CACNA1C: variants seen among roughly 807,000 people sequenced by gnomAD.
CACNA1C encodes voltage-dependent L-type calcium channel subunit alpha-1C.
In CACNA1C, 30 loss-of-function variants were observed where a neutral mutation model predicts 229.0. The ratio of observed to expected loss-of-function variants is 0.13; its 90% CI spans 0.10 to 0.18. The LOEUF is 0.18. Among genes scored for constraint, CACNA1C ranks in the 10% least tolerant of loss-of-function variants. CACNA1C has a pLI of 1.00. For missense variants in CACNA1C, 1,658 were observed against 2,845.0 expected (o/e 0.58, Z 9.49); for synonymous variants, 1,114 against 1,132.5 (o/e 0.98, Z 0.33).
At position 2,354,458 on chromosome 12, in the gene CACNA1C, G is replaced by C. The variant is rs1477816506; in HGVS notation, c.478-94518G>C. On this transcript the variant is annotated intron_variant, in intron 3 of 46. Coordinates refer to ENST00000399655, the MANE Select transcript of CACNA1C (RefSeq NM_000719.7). The surrounding 1 kb of genome is among the most constrained non-coding windows in gnomAD (Gnocchi z 4.6). ...CTATGACTGCAGCCTGTAGGGAAACGCCGGGAGGAACAGGAGACTGTTGAG... is the reference window on the plus strand; with the variant it reads ...CTATGACTGCAGCCTGTAGGGAAACCCCGGGAGGAACAGGAGACTGTTGAG... 1.3e-5 allele frequency among the ~76,000 whole-genome samples: 2 copies of C among 152,142 alleles called. No homozygotes were observed. Among genetic ancestry groups the C allele is most frequent in the Admixed American group, 1.3e-4 (2 of 15,284 alleles).
At chr12:2,593,766 T>A (rs1345327362) in intron 19 of CACNA1C, among the ~76,000 whole-genome samples, 1 of 152,226 alleles carries the variant, frequency 6.6e-6, no homozygotes, top group Non-Finnish European at 1.5e-5. Flanking sequence ...AGTTAGTGAG[T>A]CTTACTGTTA....
rs898001766 is a variant in CACNA1C at position 2,004,537 on chromosome 12, G to A, written c.139+33336G>A. ...ACCGAGAACCCACGGCGACCACACG[G>A]CCCGGGAGGCCTTCCGGCTCCAGTC... On this transcript the variant is annotated intron_variant, in intron 1 of 46. Coordinates refer to the CACNA1C transcript ENST00000682462. 4.1e-6 allele frequency: 6 copies of A among 1,466,470 alleles called. No homozygotes were observed. The African/African-American group carries it at 7.1e-5, about 17-fold the overall frequency. The allele number at this position is 1,466,470 out of a possible 1,614,324, so 90.8% of individuals were successfully genotyped here.
At chr12:2,332,373 A>G (rs1286718862) in intron 3 of CACNA1C, among the ~76,000 whole-genome samples, 1 of 152,232 alleles carries the variant, frequency 6.6e-6, no homozygotes, top group Non-Finnish European at 1.5e-5. Flanking sequence ...AAAAAGAAAA[A>G]GGCAAGTGCC....
At chr12:2,405,065 C>T (rs714278) in intron 3 of CACNA1C, among the ~76,000 whole-genome samples, 18,193 of 152,258 alleles carry the variant, frequency 0.12, 1,335 homozygotes, top group African/African-American at 0.19. Context: ...TCGAGGATAA[C>T]TCGGCTACTC....
chr12:2,109,616 G>T (rs2154125511), intron 1 of CACNA1C, among the ~76,000 whole-genome samples: 1 of 152,268 alleles, frequency 6.6e-6, no homozygotes, highest in African/African-American at 2.4e-5. Flanking sequence ...ATTTTGAAGG[G>T]ATCTAACTAG....
intron 3 of CACNA1C, among the ~76,000 whole-genome samples, chr12:2,159,364 G>A (rs1472288074): frequency 1.3e-5 from 2 of 151,986 alleles, no homozygotes; most frequent in South Asian, 4.2e-4. Flanking sequence ...GTGTGGTAAC[G>A]TGTGCCTGTG....
chr12:2,355,152 G>A (rs1044255047), intron 3 of CACNA1C, among the ~76,000 whole-genome samples: 13 of 152,192 alleles, frequency 8.5e-5, no homozygotes, highest in Admixed American at 3.3e-4. Flanking sequence ...GCATAGAAAA[G>A]GGTTTTCCAA....
At chr12:2,510,820 C>A (rs996203078) in intron 8 of CACNA1C, among the ~76,000 whole-genome samples, 2 of 152,128 alleles carry the variant, frequency 1.3e-5, no homozygotes. Flanking sequence ...GAGAGGAGGC[C>A]TTGAAACATA....
intron 38 of CACNA1C, 97 bp downstream of exon 38, chr12:2,669,132 C>T: frequency 2.3e-6 from 2 of 853,460 alleles, no homozygotes; most frequent in Non-Finnish European, 4.0e-6. Context: ...AGGGAACTTC[C>T]TGCCCCAGAC....
chr12:2,481,592 G>A (rs888188312), intron 5 of CACNA1C, among the ~76,000 whole-genome samples: 4 of 152,232 alleles, frequency 2.6e-5, no homozygotes, highest in Non-Finnish European at 4.4e-5. Context: ...GGTACCTTGA[G>A]AGTCTTTCCA....
chr12:2,671,775 T>C (rs143215534), intron 38 of CACNA1C, among the ~76,000 whole-genome samples: 3 of 152,326 alleles, frequency 2.0e-5, no homozygotes, highest in Non-Finnish European at 4.4e-5. Flanking sequence ...AAGCCAGCCA[T>C]GTGGGAACTA....
intron 3 of CACNA1C, among the ~76,000 whole-genome samples, chr12:2,308,989 G>T (rs1363657209): frequency 1.3e-5 from 2 of 152,152 alleles, no homozygotes; most frequent in East Asian, 3.8e-4. Context: ...GTCCACTTCT[G>T]GGTGTATATC....
intron 1 of CACNA1C, among the ~76,000 whole-genome samples, chr12:2,101,106 A>G (rs2076254625): frequency 6.6e-6 from 1 of 151,974 alleles, no homozygotes; most frequent in Non-Finnish European, 1.5e-5. Flanking sequence ...CAATTTCTGT[A>G]TTATTTCATA....
At chr12:2,126,390 G>A (rs1488750733) in intron 3 of CACNA1C, among the ~76,000 whole-genome samples, 2 of 152,220 alleles carry the variant, frequency 1.3e-5, no homozygotes, top group African/African-American at 2.4e-5. Flanking sequence ...TACCTGTTAG[G>A]TAGATTGTCT....
chr12:2,007,225 T>G lies in CACNA1C; in HGVS notation c.139+36024T>G, dbSNP rs199786199. ...CCCTCGTACATATAATGAGGCATTG[T>G]TTTTCTTTTGTCTGTTAAGTTCCAT... On this transcript the variant is annotated intron_variant, in intron 1 of 46. Transcript: ENST00000682462. Among the ~76,000 whole-genome samples, 4 of 152,188 alleles carry G rather than the reference T, an allele frequency of 2.6e-5. No individual in the cohort carries two copies. In the East Asian group the frequency reaches 7.7e-4, roughly 29 times the overall value.
chr12:2,514,631 G>C (rs560353480), intron 9 of CACNA1C, among the ~76,000 whole-genome samples: 1 of 152,222 alleles, frequency 6.6e-6, no homozygotes, highest in African/African-American at 2.4e-5. Flanking sequence ...TTGTATGCTG[G>C]CTCCTGGCTC....
At chr12:2,616,613 G>A (rs1039384782) in intron 29 of CACNA1C, among the ~76,000 whole-genome samples, 10 of 152,374 alleles carry the variant, frequency 6.6e-5, no homozygotes, top group Middle Eastern at 3.4e-3. Flanking sequence ...CCCATAGGGC[G>A]TGTCCCGTGA....
At chr12:2,183,887 G>A (rs1458836263) in intron 3 of CACNA1C, among the ~76,000 whole-genome samples, 1 of 152,228 alleles carries the variant, frequency 6.6e-6, no homozygotes, top group African/African-American at 2.4e-5. Context: ...AAAAGTCAGC[G>A]TGGAAAATGT....
intron 1 of CACNA1C, among the ~76,000 whole-genome samples, chr12:2,028,508 T>C (rs1283136103): frequency 6.6e-6 from 1 of 152,224 alleles, no homozygotes; most frequent in Non-Finnish European, 1.5e-5. Flanking sequence ...TGTTCTTTTA[T>C]TATCCTATTT....
Sources: allele counts gnomAD v4.1 joint callset (sites outside exome capture counted in the v4.1 genomes callset), GRCh38; gene constraint gnomAD v4.1.1; non-coding constraint Gnocchi (gnomAD v3.1); transcripts MANE v1.5; gene names NCBI Gene and HGNC (gene_info 2026-07-23, HGNC 2026-07-21).